MYH7B: variants seen among roughly 807,000 people sequenced by gnomAD.
MYH7B encodes the protein myosin-7B.
A neutral mutation model predicts 234.5 loss-of-function variants in MYH7B; 205 were observed. That is an observed-to-expected ratio of 0.87 (90% confidence interval 0.78 to 0.98). The LOEUF is 0.98. Ranked by LOEUF, MYH7B falls within the 50% of genes least tolerant of loss-of-function variation. The probability of loss-of-function intolerance (pLI) is 0.00; values close to 1 mark genes in which losing one functional copy is unlikely to be tolerated. For synonymous variants in MYH7B, 1,193 were observed against 1,105.0 expected (o/e 1.08, Z -1.58); for missense variants, 2,652 against 2,633.4 (o/e 1.01, Z -0.15).
At position 34,996,487 on chromosome 20, in the gene MYH7B, A is replaced by G. The variant is rs1189195653; in HGVS notation, c.3085A>G (p.Lys1029Glu). ...GGAGGACCGTGTGAGCGCGCTGACC[A>G]AGGCCAAGCTCCGGCTGGAGCAACA... Residue 1029 changes from lysine to glutamate, a missense_variant, in exon 29 of 45, where the codon AAG (lysine) becomes GAG (glutamate). Coordinates refer to ENST00000262873, the Ensembl canonical transcript of MYH7B. 4 of 1,612,072 alleles carry G rather than the reference A, an allele frequency of 2.5e-6. No individual in the cohort carries two copies. The African/African-American group carries it at 4.0e-5, about 16-fold the overall frequency.
At chr20:34,979,938 C>T (rs1377139564) in intron 7 of MYH7B, 134 bp downstream of exon 7, 6 of 721,986 alleles carry the variant, frequency 8.3e-6, no homozygotes, top group East Asian at 4.1e-5. Context: ...AATGATAGAG[C>T]GGGTCCATAG....
chr20:34,997,305 C>A, exon 32 of MYH7B: 1 of 1,553,420 alleles, frequency 6.4e-7, no homozygotes, highest in African/African-American at 1.4e-5. Context: ...AGCCCGGGCC[C>A]GCGTGGAGAA....
At chr20:34,980,031 G>A in intron 7 of MYH7B, 2 of 572,926 alleles carry the variant, frequency 3.5e-6, no homozygotes, top group Non-Finnish European at 6.2e-6. Context: ...CCTTAGGGGA[G>A]CAGCTGTAGC....
At position 35,001,412 on chromosome 20, in the gene MYH7B, G is replaced by A; in HGVS notation, c.5581-19G>A. 6.3e-7 allele frequency: 1 copy of A among 1,594,838 alleles called. No homozygotes were observed. Among genetic ancestry groups the A allele is most frequent in the South Asian group, 1.1e-5 (1 of 88,694 alleles). On this transcript the variant is annotated intron_variant, in intron 42 of 44. Coordinates refer to ENST00000262873, the Ensembl canonical transcript of MYH7B. Reference sequence around the variant, plus strand: ...CTGGCCCAGCCCAAGCAAGCCCTGAGTCCCCCTTGCCCGCCCAGGCCGAGG... The same window carrying A: ...CTGGCCCAGCCCAAGCAAGCCCTGAATCCCCCTTGCCCGCCCAGGCCGAGG...
chr20:34,987,204 T>C, exon 16 of MYH7B: 1 of 1,612,636 alleles, frequency 6.2e-7, no homozygotes, highest in Non-Finnish European at 8.5e-7. Flanking sequence ...TGCTATAAGA[T>C]CGTGGGCGCC....
exon 36 of MYH7B, chr20:34,999,116 G>T: frequency 6.2e-7 from 1 of 1,613,550 alleles, no homozygotes; most frequent in Non-Finnish European, 8.5e-7. Context: ...CCAACGCCAA[G>T]TGCTCATCGT....
At chr20:34,980,148 G>T in intron 7 of MYH7B, 1 of 389,714 alleles carries the variant, frequency 2.6e-6, no homozygotes, top group South Asian at 3.4e-5. Flanking sequence ...CGGCCACAGA[G>T]GGTGTGGTGT....
exon 32 of MYH7B, chr20:34,997,537 A>G (rs1219485006): frequency 2.8e-5 from 45 of 1,609,926 alleles, no homozygotes; most frequent in Non-Finnish European, 3.7e-5. Context: ...GAGCAGGTGG[A>G]CAGCCTGCAG....
chr20:34,995,616 C>T (rs755811932), intron 28 of MYH7B, 38 bp downstream of exon 28: 2 of 1,607,454 alleles, frequency 1.2e-6, no homozygotes, highest in East Asian at 2.2e-5. Context: ...GGCCCTGAGC[C>T]AGGGGCCAGC....
At chr20:34,992,141 T>C (rs1227874979) in intron 24 of MYH7B, among the ~76,000 whole-genome samples, 2 of 152,182 alleles carry the variant, frequency 1.3e-5, no homozygotes, top group Non-Finnish European at 2.9e-5. Flanking sequence ...ATCCCAGCAC[T>C]TTGGGAGGCC....
chr20:34,998,244 C>G (rs778871431), intron 32 of MYH7B, 51 bp from the exon 33 acceptor site: 13 of 1,602,068 alleles, frequency 8.1e-6, no homozygotes, highest in Non-Finnish European at 1.1e-5. Flanking sequence ...GATGCACAAA[C>G]TTGTTCTGAC....
chr20:34,969,014 G>T (rs6058150), intron 2 of MYH7B, among the ~76,000 whole-genome samples: 44,518 of 152,066 alleles, frequency 0.29, 6,822 homozygotes, highest in African/African-American at 0.34. Flanking sequence ...CCAGGGAAGA[G>T]GACAGGAGCC....
intron 43 of MYH7B, 152 bp downstream of exon 43, chr20:35,001,678 C>T (rs1040004670): frequency 7.4e-6 from 6 of 806,210 alleles, no homozygotes; most frequent in Non-Finnish European, 1.2e-5. Flanking sequence ...GGAGATCAGA[C>T]CTAGCTCCTT....
At chr20:34,957,782 G>A (rs1172470021) in intron 1 of MYH7B, among the ~76,000 whole-genome samples, 1 of 152,172 alleles carries the variant, frequency 6.6e-6, no homozygotes, top group Non-Finnish European at 1.5e-5. Context: ...TAGCCACTGC[G>A]CCCGGCCCCT....
chr20:34,983,517 G>A lies in MYH7B; in HGVS notation c.624+962G>A, dbSNP rs141291375. Among the ~76,000 whole-genome samples the A allele has an allele frequency of 4.4e-3, 667 of 152,166 alleles. 8 individuals carry two copies. Among genetic ancestry groups the A allele is most frequent in the African/African-American group, 0.016 (646 of 41,508 alleles). ...GTGACAGGAAGAGATGTCAGGGAGA[G>A]GCCAGAGCTGGCAGGGACACAGCTG... On this transcript the variant is annotated intron_variant, in intron 10 of 44. Transcript: ENST00000262873.
intron 30 of MYH7B, 50 bp downstream of exon 30, chr20:34,996,808 C>T: frequency 6.4e-7 from 1 of 1,574,796 alleles, no homozygotes; most frequent in Non-Finnish European, 8.6e-7. Flanking sequence ...TGCACCTGGC[C>T]CTTGTTCCCT....
intron 5 of MYH7B, 29 bp from the exon 6 acceptor site, chr20:34,979,361 C>T (rs1600420238): frequency 1.3e-6 from 2 of 1,572,446 alleles, no homozygotes; most frequent in Non-Finnish European, 1.7e-6. Context: ...CAGCCCCTCT[C>T]TGAGTCCAGA....
chr20:34,999,392 C>T (rs756703862), exon 36 of MYH7B: 1 of 1,519,970 alleles, frequency 6.6e-7, no homozygotes, highest in Non-Finnish European at 8.8e-7. Context: ...AGCGGGAGAA[C>T]AAGAACCTGC....
exon 5 of MYH7B, chr20:34,978,070 C>G (rs41312286): frequency 6.2e-7 from 1 of 1,613,960 alleles, no homozygotes; most frequent in Non-Finnish European, 8.5e-7. Flanking sequence ...CAGGAGATGA[C>G]GAAGGTGCAC....
Sources: gnomAD v4.1 joint callset for allele counts (sites outside exome capture counted in the v4.1 genomes callset) on GRCh38, gnomAD v4.1.1 for gene constraint, MANE v1.5 for transcripts, NCBI Gene and HGNC (gene_info 2026-07-23, HGNC 2026-07-21) for gene names.